FN1: variants seen among roughly 807,000 people sequenced by gnomAD.
FN1 encodes fibronectin.
FN1 carries 106 observed loss-of-function variants against 297.3 expected under a neutral mutation model. The ratio of observed to expected loss-of-function variants is 0.36; its 90% CI spans 0.30 to 0.42. The LOEUF is 0.42. Among genes scored for constraint, FN1 ranks in the 10% least tolerant of loss-of-function variants. FN1 has a pLI of 1.00. For synonymous variants in FN1, 1,149 were observed against 1,152.6 expected (o/e 1.00, Z 0.06); for missense variants, 2,690 against 3,124.9 (o/e 0.86, Z 3.32).
rs778879562 is a variant in FN1 at position 215,409,674 on chromosome 2, C to T, written c.2188G>A (p.Glu730Lys). The T allele has an allele frequency of 6.2e-6, 10 of 1,613,962 alleles. No individual in the cohort carries two copies. The highest frequency in any genetic ancestry group is 3.3e-5 in the Admixed American group (2 of 60,012). Reference protein sequence around the residue: ...PLVATSESVTEITASSFVVSW... With the variant: ...PLVATSESVTKITASSFVVSW... The stretch of plus-strand genomic sequence containing the variant: ...ACCACAAAGCTACTGGCTGTGATTT[C>T]GGTCACAGATTCAGAAGTGGCCACA... The change falls in exon 15 of 46, where the codon GAA becomes AAA. Residue 730 changes from glutamate to lysine, a missense_variant. By Grantham distance (56) the Glu-to-Lys change is moderately conservative (BLOSUM62 1). This residue lies in a region of FN1 where 876 missense variants were observed against 1,058.1 expected (regional missense o/e 0.83). Transcript: ENST00000354785.
intron 12 of FN1, among the ~76,000 whole-genome samples, chr2:215,415,586 C>T (rs1351870172): frequency 2.6e-5 from 4 of 152,076 alleles, no homozygotes; most frequent in African/African-American, 9.7e-5. Context: ...GAAGTTTACT[C>T]CCAAATCACA....
At position 215,397,797 on chromosome 2, in the gene FN1, C is replaced by A; in HGVS notation, c.3400G>T (p.Asp1134Tyr). 1 of 1,614,158 alleles carries A rather than the reference C, an allele frequency of 6.2e-7. No homozygotes were observed. The highest frequency in any genetic ancestry group is 8.5e-7 in the Non-Finnish European group (1 of 1,180,010). Reference sequence around the variant, plus strand: ...CCGGACACAACGATGCTTCCTGAGTCTGAAGTCACTTCTCGTGGTGCCTCT... The same window carrying A: ...CCGGACACAACGATGCTTCCTGAGTATGAAGTCACTTCTCGTGGTGCCTCT... ...GGEAPREVTS[D>Y]SGSIVVSGLT... The change falls in exon 22 of 46, where the codon GAC becomes TAC. Residue 1134 changes from aspartate (D) to tyrosine (Y), a missense_variant. Asp to Tyr is a radical substitution (Grantham distance 160). Transcript: ENST00000354785.
chr2:215,393,219 G>A lies in FN1; in HGVS notation c.3797-16C>T. 6.2e-7 allele frequency: 1 copy of A among 1,607,300 alleles called. No individual in the cohort carries two copies. The highest frequency in any genetic ancestry group is 8.5e-7 in the Non-Finnish European group (1 of 1,177,164). On this transcript the variant is annotated splice_polypyrimidine_tract_variant and intron_variant, in intron 24 of 45. Transcript: ENST00000354785. ...TGGGGCACCTCTATTGAGTTACAAA[G>A]CAAAGGGAGGGGGAGGCAAAAGGAA...
In FN1 at chr2:215,379,291, A is replaced by T; in HGVS notation, c.5461T>A (p.Phe1821Ile). 1 of 1,613,960 alleles carries T rather than the reference A, an allele frequency of 6.2e-7. No homozygotes were observed. Among genetic ancestry groups the T allele is most frequent in the Non-Finnish European group, 8.5e-7 (1 of 1,179,896 alleles). The stretch of plus-strand genomic sequence containing the variant: ...AGGCTTGTGGGTGTGACCTGAGTGA[A>T]CTTCAGGTCAGTTGGTGCAGGAATA... Reference protein sequence around the residue: ...TAIPAPTDLKFTQVTPTSLSA... With the variant: ...TAIPAPTDLKITQVTPTSLSA... Residue 1821 changes from phenylalanine to isoleucine, a missense_variant, in exon 34 of 46, where the codon TTC becomes ATC. By Grantham distance (21) the Phe-to-Ile change is conservative. Coordinates refer to ENST00000354785, the MANE Select transcript of FN1 (RefSeq NM_212482.4).
At chr2:215,420,254 G>C (rs183721711) in intron 11 of FN1, among the ~76,000 whole-genome samples, 33 of 152,040 alleles carry the variant, frequency 2.2e-4, no homozygotes, top group Admixed American at 2.0e-3. Context: ...CAGCAGAATT[G>C]CTTGAACCCA....
chr2:215,386,815 G>T lies in FN1; in HGVS notation c.4486C>A (p.Arg1496=). 6.2e-7 allele frequency: 1 copy of T among 1,613,914 alleles called. No individual in the cohort carries two copies. Among genetic ancestry groups the T allele is most frequent in the South Asian group, 1.1e-5 (1 of 91,062 alleles). Residue 1496 remains arginine (R), a synonymous_variant, in exon 28 of 46, where the codon CGG becomes AGG. Coordinates refer to ENST00000354785, the MANE Select transcript of FN1 (RefSeq NM_212482.4). ...EHFSGRPRED[R]VPHSRNSITL... ...ATGGAATTCCGAGAGTGGGGCACCC[G>T]ATCTTCTCGAGGTCTCCCACTGAAG...
intron 25 of FN1, 194 bp downstream of exon 25, chr2:215,392,737 T>G: frequency 1.6e-6 from 1 of 645,000 alleles, no homozygotes; most frequent in Non-Finnish European, 2.8e-6. Flanking sequence ...GAGAGTGTAC[T>G]GAAGAATACT....
At chr2:215,428,482 C>G in intron 5 of FN1, 144 bp from the exon 6 acceptor site, 1 of 746,572 alleles carries the variant, frequency 1.3e-6, no homozygotes, top group East Asian at 2.7e-5. Flanking sequence ...CAAGGTATTA[C>G]ACTTCTGAAA....
chr2:215,397,900 T>C, intron 21 of FN1, 52 bp from the exon 22 acceptor site: 6 of 1,459,358 alleles, frequency 4.1e-6, no homozygotes, highest in Non-Finnish European at 5.8e-6. Context: ...TCCAGAGGAC[T>C]GTTACTGCTG....
At chr2:215,399,945 T>C (rs1385270906) in intron 20 of FN1, among the ~76,000 whole-genome samples, 1 of 152,140 alleles carries the variant, frequency 6.6e-6, no homozygotes, top group African/African-American at 2.4e-5. Flanking sequence ...CCCAGCACTT[T>C]GGGAAGCCGA....
rs11889491 is a variant in FN1 at position 215,371,007 on chromosome 2, T to G, written c.6715-575A>C. On this transcript the variant is annotated intron_variant, in intron 40 of 45. Coordinates refer to ENST00000354785, the MANE Select transcript of FN1 (RefSeq NM_212482.4). The stretch of plus-strand genomic sequence containing the variant: ...TGGGCCGGGTGTAGTGGGTGGCTCA[T>G]GCTTGTAGTCCCAGCACTTTGGGAG... Among the ~76,000 whole-genome samples the G allele has an allele frequency of 5.1e-3, 782 of 152,308 alleles. 5 individuals carry two copies. The highest frequency in any genetic ancestry group is 0.018 in the African/African-American group (733 of 41,558).
At chr2:215,373,488 G>GT in intron 38 of FN1, 77 bp from the exon 39 acceptor site, 2 of 1,155,146 alleles carry the variant, frequency 1.7e-6, no homozygotes, top group Non-Finnish European at 2.6e-6. Context: ...ACCAGCAGAC[G>GT]CTACTGGGAG....
intron 6 of FN1, among the ~76,000 whole-genome samples, chr2:215,425,719 AT>A (rs556762295): frequency 6.6e-6 from 1 of 151,460 alleles, no homozygotes; most frequent in African/African-American, 2.4e-5. Context: ...TGCCCAGCTG[AT>A]TTTTTTTGTA....
rs1417911404 is a variant in FN1, at chr2:215,425,253, C to G, written c.877G>C (p.Val293Leu). The change falls in exon 7 of 46, where the codon GTT becomes CTT. Residue 293 changes from valine to leucine, a missense_variant. Physicochemically the swap from Val to Leu is conservative, Grantham distance 32. Around this residue, in one of 3 missense-constraint regions of FN1, gnomAD observed 876 missense variants for 1,058.1 expected, o/e 0.83. Transcript: ENST00000354785. ...TGGGGGTGAGGCTGCGGTTGGTAAACAGCTGCACGAACATCGGTGAAGGGG... is the reference window on the plus strand; with the variant it reads ...TGGGGGTGAGGCTGCGGTTGGTAAAGAGCTGCACGAACATCGGTGAAGGGG... ...SGPFTDVRAA[V>L]YQPQPHPQPP... 2 of 1,614,140 alleles carry G rather than the reference C, an allele frequency of 1.2e-6. No homozygotes were observed. The highest frequency in any genetic ancestry group is 2.2e-5 in the South Asian group (2 of 91,080).
chr2:215,422,308 C>T (rs1182227522), intron 9 of FN1, 65 bp from the exon 10 acceptor site: 5 of 1,460,236 alleles, frequency 3.4e-6, no homozygotes, highest in Non-Finnish European at 4.8e-6. Context: ...TGTATGTGTG[C>T]AAAAGGATCA....
chr2:215,385,139 G>C (rs537109131), intron 28 of FN1, among the ~76,000 whole-genome samples, 163 bp from the exon 29 acceptor site: 1 of 151,572 alleles, frequency 6.6e-6, no homozygotes, highest in East Asian at 1.9e-4. Context: ...TTCAAGATAA[G>C]GGGTTACAGA....
chr2:215,434,548 A>C, intron 2 of FN1, 148 bp downstream of exon 2: 2 of 944,628 alleles, frequency 2.1e-6, no homozygotes, highest in Non-Finnish European at 3.3e-6. Context: ...TGTGAAAAGC[A>C]AATATAAGCA....
At chr2:215,397,283 C>T in intron 22 of FN1, 60 bp from the exon 23 acceptor site, 1 of 1,203,598 alleles carries the variant, frequency 8.3e-7, no homozygotes, top group Non-Finnish European at 1.2e-6. Context: ...CCTGTGTAAT[C>T]TTTCCTCCTT....
At chr2:215,412,095 G>A (rs2062735187) in intron 13 of FN1, among the ~76,000 whole-genome samples, 2 of 152,078 alleles carry the variant, frequency 1.3e-5, no homozygotes, top group Admixed American at 1.3e-4. Flanking sequence ...GAAGATATTG[G>A]ATGCACTGAT....
Sources: gnomAD v4.1 joint callset for allele counts (sites outside exome capture counted in the v4.1 genomes callset) on GRCh38, gnomAD v4.1.1 for gene constraint, gnomAD v4.1.1 regional missense constraint, MANE v1.5 for transcripts, NCBI Gene and HGNC (gene_info 2026-07-23, HGNC 2026-07-21) for gene names.